TEK: variants seen among roughly 807,000 people sequenced by gnomAD.
The protein encoded by TEK is angiopoietin-1 receptor.
In TEK, 43 loss-of-function variants were observed where a neutral mutation model predicts 131.8. The ratio of observed to expected loss-of-function variants is 0.33; its 90% CI spans 0.26 to 0.42. The LOEUF (loss-of-function observed/expected upper bound fraction) is 0.42. Among genes scored for constraint, TEK ranks in the 10% least tolerant of loss-of-function variants. The pLI is 1.00. For synonymous variants in TEK, 580 were observed against 491.6 expected, an observed-to-expected ratio of 1.18 and a Z score of -2.38; for missense variants, 1,162 against 1,384.4, an observed-to-expected ratio of 0.84 and a Z score of 2.55.
At chr9:27,172,819 C>T (rs1824008429) in intron 5 of TEK, 72 bp downstream of exon 5, 4 of 1,590,546 alleles carry the variant, frequency 2.5e-6, no homozygotes, top group East Asian at 4.5e-5. Context: ...AATTTTAGAT[C>T]TCGACACAGA....
intron 1 of TEK, among the ~76,000 whole-genome samples, chr9:27,140,677 A>C (rs1301473548): frequency 1.3e-5 from 2 of 151,986 alleles, no homozygotes; most frequent in African/African-American, 2.4e-5. Context: ...TAAATGTTAT[A>C]TTTGATTTTT....
In TEK at chr9:27,229,502, T is replaced by C. The variant is rs1587066629; in HGVS notation, c.*270T>C. ...GCAATAATATATTTTTTTAAAAATG[T>C]GGACTTCATAGGAAGGCGTGAGTAC... On this transcript the variant is annotated 3_prime_UTR_variant, in exon 23 of 23. Transcript: ENST00000380036. 1 of 482,744 alleles carries C rather than the reference T, an allele frequency of 2.1e-6. No individual in the cohort carries two copies. The highest frequency in any genetic ancestry group is 3.7e-5 in the East Asian group (1 of 26,826). The allele number at this position is 482,744 out of a possible 1,614,324, so 29.9% of individuals were successfully genotyped here.
At chr9:27,205,383 A>G (rs1448468160) in intron 14 of TEK, among the ~76,000 whole-genome samples, 4 of 152,206 alleles carry the variant, frequency 2.6e-5, no homozygotes, top group African/African-American at 9.7e-5. Flanking sequence ...ATCTTGCAAC[A>G]GAATAAATTG....
At position 27,206,752 on chromosome 9, in the gene TEK, G is replaced by A; in HGVS notation, c.2535G>A (p.Lys845=). ...FGQVLKARIK[K]DGLRMDAAIK... ...AAGTTCTTAAGGCGCGCATCAAGAA[G>A]GATGGGTTACGGATGGATGCTGCCA... is the stretch of plus-strand genomic sequence containing the variant. Residue 845 remains lysine (K), a synonymous_variant, in exon 15 of 23, where the codon AAG becomes AAA. Coordinates refer to ENST00000380036, the MANE Select transcript of TEK (RefSeq NM_000459.5). The A allele has an allele frequency of 6.2e-7, 1 of 1,614,084 alleles. No individual in the cohort carries two copies. The highest frequency in any genetic ancestry group is 2.2e-5 in the East Asian group (1 of 44,862).
intron 4 of TEK, among the ~76,000 whole-genome samples, chr9:27,172,332 G>A (rs1262784436): frequency 2.6e-5 from 4 of 152,096 alleles, no homozygotes; most frequent in Admixed American, 6.6e-5. Context: ...TACTTAGTTG[G>A]TCCTGCAGAT....
intron 1 of TEK, among the ~76,000 whole-genome samples, chr9:27,118,649 G>A (rs762793384): frequency 2.6e-5 from 4 of 152,058 alleles, no homozygotes; most frequent in African/African-American, 4.8e-5. Context: ...ACAACAAACC[G>A]GAAAATGGCG....
rs960097042 is a variant in TEK, at chr9:27,202,859, T to C, written c.1949T>C (p.Ile650Thr). The C allele has an allele frequency of 8.1e-6, 13 of 1,614,162 alleles. No homozygotes were observed. The highest frequency in any genetic ancestry group is 1.0e-5 in the Non-Finnish European group (12 of 1,179,998). ...PQPENIKISNITHSSAVISWT... is the reference protein window; with the variant it reads ...PQPENIKISNTTHSSAVISWT... The stretch of plus-strand genomic sequence containing the variant: ...CCAGAAAACATCAAGATTTCCAACA[T>C]TACACACTCCTCAGCTGTGATTTCT... Residue 650 changes from isoleucine (I) to threonine (T), a missense_variant, in exon 13 of 23, where the codon ATT (isoleucine) becomes ACT (threonine). Physicochemically the swap from Ile to Thr is moderately conservative, Grantham distance 89. This residue lies in a region of TEK where 477 missense variants were observed against 471.0 expected (regional missense o/e 1.01). Transcript: ENST00000380036.
chr9:27,226,697 C>T (rs12350032), intron 21 of TEK, among the ~76,000 whole-genome samples: 31,310 of 151,906 alleles, frequency 0.21, 3,767 homozygotes, highest in African/African-American at 0.33. Context: ...ATGTTCTCCA[C>T]ATGTATCCCA....
In TEK at chr9:27,137,886, T is replaced by G. The variant is rs1382867867; in HGVS notation, c.53-19945T>G. ...TTCCGGTGGGTTCTTGGTCTCACTG[T>G]GGACCCTTGCGGTGAGTGTTACAGT... On this transcript the variant is annotated intron_variant, in intron 1 of 22. Coordinates refer to ENST00000380036, the MANE Select transcript of TEK (RefSeq NM_000459.5). Among the ~76,000 whole-genome samples the G allele has an allele frequency of 3.3e-5, 5 of 152,120 alleles. No individual in the cohort carries two copies. The East Asian group carries it at 9.6e-4, about 29-fold the overall frequency.
rs1824559059 is a variant in TEK at position 27,185,426 on chromosome 9, G to A, written c.1183-59G>A. 7 of 1,593,376 alleles carry A rather than the reference G, an allele frequency of 4.4e-6. No individual in the cohort carries two copies. The East Asian group carries it at 1.6e-4, about 36-fold the overall frequency. ...AACAATGAGATGGGGTCAATGTTAT[G>A]GACCTTTGCGTTTATGCCTCCCTAG... On this transcript the variant is annotated intron_variant, in intron 8 of 22. Coordinates refer to ENST00000380036, the MANE Select transcript of TEK (RefSeq NM_000459.5).
At chr9:27,127,998 A>G (rs1822055327) in intron 1 of TEK, among the ~76,000 whole-genome samples, 1 of 152,072 alleles carries the variant, frequency 6.6e-6, no homozygotes, top group Non-Finnish European at 1.5e-5. Flanking sequence ...CCATTTGTCA[A>G]TTTTGGCTTC....
At chr9:27,203,756 C>T (rs888662298) in intron 13 of TEK, among the ~76,000 whole-genome samples, 3 of 152,302 alleles carry the variant, frequency 2.0e-5, no homozygotes, top group Non-Finnish European at 4.4e-5. Context: ...CCTCCCGGCT[C>T]TCTGTGTTGT....
intron 22 of TEK, among the ~76,000 whole-genome samples, chr9:27,228,601 G>T (rs995482793): frequency 2.0e-5 from 3 of 152,094 alleles, no homozygotes; most frequent in Non-Finnish European, 4.4e-5. Flanking sequence ...TATAGATGAA[G>T]AAACAGACTC....
chr9:27,119,500 GA>G (rs1170716609), intron 1 of TEK, among the ~76,000 whole-genome samples: 1 of 152,176 alleles, frequency 6.6e-6, no homozygotes, highest in Non-Finnish European at 1.5e-5. Context: ...CCATGCAGAT[GA>G]GGCTCCCTGG....
chr9:27,224,917 T>C (rs536415132), intron 21 of TEK, among the ~76,000 whole-genome samples: 116 of 152,284 alleles, frequency 7.6e-4, no homozygotes, highest in African/African-American at 2.7e-3. Context: ...AGTCTCAGGA[T>C]ACAAAATCAG....
In TEK at chr9:27,229,279, G is replaced by GAAA. The variant is rs1290888388; in HGVS notation, c.*48_*49insAAA. 1.3e-6 allele frequency: 2 copies of GAAA among 1,564,316 alleles called. No individual in the cohort carries two copies. Among genetic ancestry groups the GAAA allele is most frequent in the Admixed American group, 3.3e-5 (2 of 59,898 alleles). ...CTGTTTCCCTTTCACTGGCATGGGAGACCCTTGACACCTGCTGAGAAAACA... is the reference window on the plus strand; with the variant it reads ...CTGTTTCCCTTTCACTGGCATGGGAGAAAACCCTTGACACCTGCTGAGAAAACA... On this transcript the variant is annotated 3_prime_UTR_variant, in exon 23 of 23. Coordinates refer to ENST00000380036, the MANE Select transcript of TEK (RefSeq NM_000459.5).
chr9:27,145,578 A>C (rs1822886281), intron 1 of TEK, among the ~76,000 whole-genome samples: 2 of 152,250 alleles, frequency 1.3e-5, no homozygotes, highest in African/African-American at 2.4e-5. Flanking sequence ...TTTACACATG[A>C]GGAAACTAAG....
chr9:27,164,723 CG>C (rs1037511254), intron 2 of TEK, among the ~76,000 whole-genome samples: 2 of 151,874 alleles, frequency 1.3e-5, no homozygotes, highest in African/African-American at 4.8e-5. Flanking sequence ...TTGTATGGAG[CG>C]GGGGTCTCAC....
At chr9:27,204,820 C>G in intron 13 of TEK, 91 bp from the exon 14 acceptor site, 1 of 1,564,640 alleles carries the variant, frequency 6.4e-7, no homozygotes, top group Non-Finnish European at 8.8e-7. Flanking sequence ...CTGTTAAGTT[C>G]CCATTACACT....
Sources: gnomAD v4.1 joint callset for allele counts (sites outside exome capture counted in the v4.1 genomes callset) on GRCh38, gnomAD v4.1.1 for gene constraint, gnomAD v4.1.1 regional missense constraint, MANE v1.5 for transcripts, NCBI Gene and HGNC (gene_info 2026-07-23, HGNC 2026-07-21) for gene names.